The following CARMIL1 variants were observed in gnomAD, a reference collection of about 807,000 sequenced individuals.
CARMIL1 encodes the protein capping protein regulator and myosin 1 linker 1.
A neutral mutation model predicts 177.1 loss-of-function variants in CARMIL1; 90 were observed. The ratio of observed to expected loss-of-function variants is 0.51; its 90% CI spans 0.43 to 0.61. The LOEUF (loss-of-function observed/expected upper bound fraction) is 0.61, where lower values mean the gene tolerates loss of function less well. Ranked by LOEUF, CARMIL1 falls within the 20% of genes least tolerant of loss-of-function variation. The probability of loss-of-function intolerance (pLI) is 0.00; values close to 1 mark genes in which losing one functional copy is unlikely to be tolerated. For missense variants in CARMIL1, 1,380 were observed against 1,667.0 expected (o/e 0.83, Z 3.00); for synonymous variants, 577 against 606.2 (o/e 0.95, Z 0.71).
chr6:25,488,402 T>C, intron 12 of CARMIL1, 80 bp from the exon 13 acceptor site: 5 of 969,346 alleles, frequency 5.2e-6, no homozygotes, highest in South Asian at 5.1e-5. Flanking sequence ...TTGATGGAAG[T>C]GTTGGGCCAT....
At chr6:25,390,533 G>A (rs904161140) in intron 2 of CARMIL1, among the ~76,000 whole-genome samples, 2 of 151,446 alleles carry the variant, frequency 1.3e-5, no homozygotes, top group African/African-American at 4.8e-5. Flanking sequence ...TGTTGCTCAG[G>A]CTGGTCTCCA....
intron 6 of CARMIL1, 42 bp downstream of exon 6, chr6:25,450,037 G>C (rs1215483833): frequency 6.7e-7 from 1 of 1,482,110 alleles, no homozygotes; most frequent in East Asian, 2.3e-5. Flanking sequence ...TAGCTGGATG[G>C]ATATCCCCCT....
intron 18 of CARMIL1, 61 bp from the exon 19 acceptor site, chr6:25,510,446 C>T: frequency 1.0e-6 from 1 of 1,002,050 alleles, no homozygotes; most frequent in South Asian, 1.6e-5. Flanking sequence ...AATTGTGTTC[C>T]AGCTGAAAAT....
Position 25,554,197 on chromosome 6 carries a change from C to G in CARMIL1, c.2592+101C>G. 1.2e-6 allele frequency: 1 copy of G among 825,218 alleles called. No homozygotes were observed. The highest frequency in any genetic ancestry group is 2.0e-6 in the Non-Finnish European group (1 of 494,944). The allele number at this position is 825,218 out of a possible 1,614,324, so 51.1% of individuals were successfully genotyped here. On this transcript the variant is annotated intron_variant, in intron 28 of 36. Transcript: ENST00000329474. This position sits in a 1 kb window ranked among gnomAD's most constrained non-coding sequence, Gnocchi z 4.6. ...GATGTGATTTCTTTTCTGTATTTCA[C>G]ACTATTACAGCTTTATGGTTTGTGA...
chr6:25,344,813 G>C (rs1381198290), intron 2 of CARMIL1, among the ~76,000 whole-genome samples: 8 of 151,970 alleles, frequency 5.3e-5, no homozygotes, highest in African/African-American at 1.9e-4. Context: ...CCATCTACAC[G>C]TACCTTCTCA....
At chr6:25,494,285 A>G (rs1480285994) in intron 15 of CARMIL1, among the ~76,000 whole-genome samples, 5 of 152,128 alleles carry the variant, frequency 3.3e-5, no homozygotes, top group Non-Finnish European at 5.9e-5. Flanking sequence ...ACTATCGTTA[A>G]GTGAGTGCTT....
At chr6:25,475,834 G>A in intron 11 of CARMIL1, among the ~76,000 whole-genome samples, 1 of 152,154 alleles carries the variant, frequency 6.6e-6, no homozygotes, top group Non-Finnish European at 1.5e-5. Context: ...GTCACCACAG[G>A]TGCAGTTTCT....
intron 3 of CARMIL1, among the ~76,000 whole-genome samples, chr6:25,421,982 G>T (rs1795901425): frequency 1.3e-5 from 2 of 151,414 alleles, no homozygotes; most frequent in Admixed American, 6.6e-5. Context: ...TAACTAACCT[G>T]CACATTGTGC....
At chr6:25,304,732 T>TA (rs1783132428) in intron 2 of CARMIL1, among the ~76,000 whole-genome samples, 1 of 152,208 alleles carries the variant, frequency 6.6e-6, no homozygotes. Flanking sequence ...AGTAGGAAAA[T>TA]ACTTCCTTTG....
At chr6:25,593,430 T>A (rs2151290008) in intron 31 of CARMIL1, among the ~76,000 whole-genome samples, 1 of 152,338 alleles carries the variant, frequency 6.6e-6, no homozygotes, top group African/African-American at 2.4e-5. Context: ...CCTTCTTCCT[T>A]AGCATAAGGC....
intron 2 of CARMIL1, among the ~76,000 whole-genome samples, chr6:25,366,848 A>G (rs185084141): frequency 2.0e-4 from 31 of 152,220 alleles, no homozygotes; most frequent in East Asian, 7.7e-4. Flanking sequence ...ATGTATTTCT[A>G]ACTATGACTT....
intron 5 of CARMIL1, among the ~76,000 whole-genome samples, chr6:25,439,245 A>G (rs1797504625): frequency 6.6e-6 from 1 of 152,196 alleles, no homozygotes; most frequent in South Asian, 2.1e-4. Context: ...CTATTTGTCT[A>G]GGACCTACAA....
intron 2 of CARMIL1, among the ~76,000 whole-genome samples, chr6:25,333,430 G>T (rs1785899000): frequency 6.6e-6 from 1 of 152,132 alleles, no homozygotes; most frequent in Non-Finnish European, 1.5e-5. Context: ...AAAAATCAGT[G>T]ATGAGTGCAG....
intron 26 of CARMIL1, among the ~76,000 whole-genome samples, chr6:25,544,097 T>TA (rs1562270098): frequency 6.6e-6 from 1 of 152,006 alleles, no homozygotes; most frequent in Non-Finnish European, 1.5e-5. Flanking sequence ...GAAGACTATA[T>TA]AAGAAAAGTT....
At chr6:25,589,256 G>T (rs958751925) in intron 31 of CARMIL1, among the ~76,000 whole-genome samples, 5 of 152,144 alleles carry the variant, frequency 3.3e-5, no homozygotes, top group African/African-American at 1.2e-4. Flanking sequence ...CTTGAACTTA[G>T]CCATCTTGTT....
intron 15 of CARMIL1, among the ~76,000 whole-genome samples, chr6:25,493,355 C>T (rs1803405054): frequency 6.6e-6 from 1 of 152,180 alleles, no homozygotes; most frequent in Non-Finnish European, 1.5e-5. Flanking sequence ...ACTGCATTTA[C>T]GTTGAGGTGT....
intron 2 of CARMIL1, among the ~76,000 whole-genome samples, chr6:25,359,173 C>T (rs978476216): frequency 4.6e-5 from 7 of 152,094 alleles, no homozygotes; most frequent in African/African-American, 1.7e-4. Flanking sequence ...TCTGTGAATG[C>T]CATTATAGCT....
chr6:25,464,971 T>C (rs933608374), intron 8 of CARMIL1, among the ~76,000 whole-genome samples: 2 of 149,082 alleles, frequency 1.3e-5, no homozygotes, highest in South Asian at 2.1e-4. Flanking sequence ...AGAACTGTCA[T>C]GCAGATAGCT....
intron 8 of CARMIL1, among the ~76,000 whole-genome samples, chr6:25,461,583 T>G (rs1446315287): frequency 6.6e-6 from 1 of 152,252 alleles, no homozygotes; most frequent in African/African-American, 2.4e-5. Context: ...TTGAAGGACA[T>G]CTGTGTTGTT....
Sources: gnomAD v4.1 joint callset for allele counts (sites outside exome capture counted in the v4.1 genomes callset) on GRCh38, gnomAD v4.1.1 for gene constraint, Gnocchi (gnomAD v3.1) non-coding constraint, MANE v1.5 for transcripts, NCBI Gene and HGNC (gene_info 2026-07-23, HGNC 2026-07-21) for gene names.